Variants in CNTN4 observed in about 807,000 individuals in gnomAD.
CNTN4 encodes contactin-4.
Under a neutral mutation model 122.5 loss-of-function variants are expected in CNTN4, and 77 were observed. The ratio of observed to expected loss-of-function variants is 0.63; its 90% CI spans 0.52 to 0.76. The LOEUF is 0.76. Among genes scored for constraint, CNTN4 ranks in the 30% least tolerant of loss-of-function variants. The pLI, the probability that CNTN4 is intolerant of heterozygous loss-of-function variation, is 0.00. For synonymous variants in CNTN4, 512 were observed against 447.0 expected (o/e 1.15, Z -1.83); for missense variants, 1,256 against 1,259.1 (o/e 1.00, Z 0.04).
chr3:2,451,694 TTTC>T (rs1165279093), intron 3 of CNTN4, among the ~76,000 whole-genome samples: 2 of 152,152 alleles, frequency 1.3e-5, no homozygotes, highest in African/African-American at 4.8e-5. Context: ...AGTGTGTATA[TTTC>T]TTGAGTTTTT....
chr3:2,277,540 C>T (rs2041561859), intron 2 of CNTN4, among the ~76,000 whole-genome samples: 1 of 152,148 alleles, frequency 6.6e-6, no homozygotes, highest in Non-Finnish European at 1.5e-5. Flanking sequence ...TGGTCTCCCC[C>T]TCTTGCCAAC....
chr3:2,357,712 C>T lies in CNTN4; in HGVS notation c.-89+18479C>T, dbSNP rs144267673. Among the ~76,000 whole-genome samples the T allele has an allele frequency of 3.3e-3, 510 of 152,300 alleles. 1 individual carries two copies. Among genetic ancestry groups the T allele is most frequent in the African/African-American group, 0.012 (496 of 41,562 alleles). On this transcript the variant is annotated intron_variant, in intron 3 of 24. Transcript: ENST00000418658. ...ATTTATTAAGGACCTTTCCAGTGAG[C>T]AGTCTGTGTCATTTCTCAATGCAAA...
intron 3 of CNTN4, among the ~76,000 whole-genome samples, chr3:2,485,852 A>G (rs886249463): frequency 1.3e-5 from 2 of 152,120 alleles, no homozygotes; most frequent in African/African-American, 4.8e-5. Flanking sequence ...GTCAAAACGG[A>G]TCGATCAGCT....
chr3:2,760,064 A>G (rs2090518872), intron 6 of CNTN4, among the ~76,000 whole-genome samples: 1 of 152,172 alleles, frequency 6.6e-6, no homozygotes, highest in African/African-American at 2.4e-5. Context: ...ATTTCTTTGT[A>G]TATTCCTCAT....
intron 2 of CNTN4, among the ~76,000 whole-genome samples, chr3:2,324,460 T>G (rs116609185): frequency 6.6e-6 from 1 of 152,290 alleles, no homozygotes; most frequent in Non-Finnish European, 1.5e-5. Context: ...CATAAGACGG[T>G]AACTTAAAAT....
At chr3:2,375,160 C>G (rs1021641178) in intron 3 of CNTN4, among the ~76,000 whole-genome samples, 2 of 152,194 alleles carry the variant, frequency 1.3e-5, no homozygotes, top group Non-Finnish European at 2.9e-5. Flanking sequence ...TCTAGTGTCT[C>G]TAAATATATG....
intron 2 of CNTN4, among the ~76,000 whole-genome samples, chr3:2,209,517 C>G (rs1355742690): frequency 1.3e-5 from 2 of 151,754 alleles, no homozygotes; most frequent in African/African-American, 4.9e-5. Flanking sequence ...CTGAGTCTCC[C>G]TAGTAACAAA....
intron 4 of CNTN4, among the ~76,000 whole-genome samples, chr3:2,734,450 A>G (rs2088931294): frequency 6.6e-6 from 1 of 152,190 alleles, no homozygotes; most frequent in Admixed American, 6.5e-5. Flanking sequence ...TGTAGAGACT[A>G]GGTGATTTTC....
rs145199953 is a variant in CNTN4 at position 2,469,653 on chromosome 3, T to A, written c.-88-101763T>A. Among the ~76,000 whole-genome samples, 287 of 152,300 alleles carry A rather than the reference T, an allele frequency of 1.9e-3. 1 individual carries two copies. The highest frequency in any genetic ancestry group is 5.9e-3 in the African/African-American group (246 of 41,568). On this transcript the variant is annotated intron_variant, in intron 3 of 24. Coordinates refer to ENST00000418658, the MANE Select transcript of CNTN4 (RefSeq NM_175607.3). ...CTGCTGTTTGGAGGGAATGGCCATT[T>A]TGCAACCAGTTTTTCACCTAGTTTA... is the stretch of plus-strand genomic sequence containing the variant.
chr3:2,745,748 A>T (rs777242953), intron 6 of CNTN4, 51 bp downstream of exon 6: 42 of 1,519,174 alleles, frequency 2.8e-5, no homozygotes, highest in African/African-American at 2.7e-5. Flanking sequence ...TTTGTGTACC[A>T]TTATACCAAT....
chr3:2,938,648 G>A (rs943891422), intron 13 of CNTN4, among the ~76,000 whole-genome samples: 1 of 152,156 alleles, frequency 6.6e-6, no homozygotes, highest in Non-Finnish European at 1.5e-5. Flanking sequence ...GACTGGCATA[G>A]CAGCTTTTCC....
intron 2 of CNTN4, among the ~76,000 whole-genome samples, chr3:2,159,167 T>C (rs9310645): frequency 0.31 from 47,309 of 151,984 alleles, 8,546 homozygotes; most frequent in East Asian, 0.71. Flanking sequence ...TGTGTAAGAT[T>C]GATGCTCCAG....
chr3:2,891,324 G>T (rs1012843657), intron 10 of CNTN4, among the ~76,000 whole-genome samples: 2 of 152,042 alleles, frequency 1.3e-5, no homozygotes, highest in Non-Finnish European at 2.9e-5. Context: ...GTGCATGCCG[G>T]TAGTCCCAAC....
chr3:2,388,321 G>C (rs1378349839), intron 3 of CNTN4, among the ~76,000 whole-genome samples: 2 of 152,094 alleles, frequency 1.3e-5, no homozygotes, highest in Admixed American at 6.5e-5. Flanking sequence ...AAGTATATCA[G>C]AACTGTTTTC....
At chr3:2,234,307 G>A (rs1186033134) in intron 2 of CNTN4, among the ~76,000 whole-genome samples, 2 of 147,312 alleles carry the variant, frequency 1.4e-5, no homozygotes, top group Non-Finnish European at 3.0e-5. Flanking sequence ...GAACCCAGGA[G>A]GAGGAGGTTG....
chr3:2,837,856 C>A (rs2093262946), intron 7 of CNTN4, among the ~76,000 whole-genome samples: 1 of 152,108 alleles, frequency 6.6e-6, no homozygotes, highest in South Asian at 2.1e-4. Context: ...GTAGCAGATA[C>A]CATACCAAAT....
intron 2 of CNTN4, among the ~76,000 whole-genome samples, chr3:2,162,326 A>G (rs956748986): frequency 2.0e-5 from 3 of 152,240 alleles, no homozygotes; most frequent in Non-Finnish European, 2.9e-5. Context: ...ATATATGCAC[A>G]TGCATGCATG....
intron 8 of CNTN4, among the ~76,000 whole-genome samples, chr3:2,868,474 T>C (rs1247619877): frequency 3.3e-5 from 5 of 152,184 alleles, no homozygotes; most frequent in Admixed American, 3.3e-4. Context: ...AGTTTGTTAC[T>C]CTTTCCCTGT....
At chr3:2,464,678 G>A (rs903940832) in intron 3 of CNTN4, among the ~76,000 whole-genome samples, 5 of 152,150 alleles carry the variant, frequency 3.3e-5, no homozygotes, top group African/African-American at 7.2e-5. Context: ...GTTTCAGGTT[G>A]GAACAAAATG....
Sources: allele counts gnomAD v4.1 joint callset (sites outside exome capture counted in the v4.1 genomes callset), GRCh38; gene constraint gnomAD v4.1.1; transcripts MANE v1.5; gene names NCBI Gene and HGNC (gene_info 2026-07-23, HGNC 2026-07-21).